The following ZC3H18 variants were observed in gnomAD, a reference collection of about 807,000 sequenced individuals.
ZC3H18 encodes the protein zinc finger CCCH domain-containing protein 18.
In ZC3H18, 8 loss-of-function variants were observed where a neutral mutation model predicts 106.1. That is an observed-to-expected ratio of 0.08 (90% confidence interval 0.04 to 0.14). The LOEUF (loss-of-function observed/expected upper bound fraction) is 0.14. Among genes scored for constraint, ZC3H18 ranks in the 10% least tolerant of loss-of-function variants. The probability of loss-of-function intolerance (pLI) is 1.00; values close to 1 mark genes in which losing one functional copy is unlikely to be tolerated. For missense variants in ZC3H18, 1,318 were observed against 1,278.4 expected (o/e 1.03, Z -0.47); for synonymous variants, 635 against 522.1 (o/e 1.22, Z -2.95).
chr16:88,611,925 G>A (rs1027626907), intron 8 of ZC3H18, among the ~76,000 whole-genome samples: 3 of 152,174 alleles, frequency 2.0e-5, no homozygotes, highest in African/African-American at 7.2e-5. Context: ...GAATTCCAAA[G>A]CATGCCTGGC....
At chr16:88,579,451 G>A (rs564790844) in intron 2 of ZC3H18, among the ~76,000 whole-genome samples, 10 of 152,240 alleles carry the variant, frequency 6.6e-5, no homozygotes, top group African/African-American at 2.2e-4. Context: ...AAGTCTTGGG[G>A]GAGATTCATC....
chr16:88,602,819 A>G (rs377516423), intron 6 of ZC3H18, among the ~76,000 whole-genome samples: 2 of 152,284 alleles, frequency 1.3e-5, no homozygotes, highest in African/African-American at 4.8e-5. Context: ...TGAGTTTTGC[A>G]AATAATTGTC....
intron 16 of ZC3H18, 93 bp downstream of exon 16, chr16:88,628,947 TAGG>T (rs1381237440): frequency 8.6e-6 from 11 of 1,281,928 alleles, no homozygotes; most frequent in Non-Finnish European, 1.1e-5. Flanking sequence ...TCTTAACAAG[TAGG>T]AGGAGGGTCC....
chr16:88,599,754 C>G, intron 5 of ZC3H18, 37 bp from the exon 6 acceptor site: 3 of 1,588,236 alleles, frequency 1.9e-6, no homozygotes, highest in Middle Eastern at 1.7e-4. Flanking sequence ...GCCCGGTATT[C>G]TGTTCCATGT....
At chr16:88,628,140 G>A in intron 15 of ZC3H18, 21 bp downstream of exon 15, 1 of 1,608,546 alleles carries the variant, frequency 6.2e-7, no homozygotes, top group Non-Finnish European at 8.5e-7. Flanking sequence ...GGGCCCTCCT[G>A]GTGGCTGCCC....
In ZC3H18 at chr16:88,611,425, G is replaced by A. The variant is rs982356121; in HGVS notation, c.1364G>A (p.Arg455His). The change falls in exon 8 of 18, where the codon CGT becomes CAT. Residue 455 changes from arginine (R) to histidine (H), a missense_variant. Coordinates refer to ENST00000301011, the MANE Select transcript of ZC3H18 (RefSeq NM_144604.4). Reference sequence around the variant, plus strand: ...CAGCGGAGGAAGGAGGAGTGGGAGCGTGAGCGAGCCAAGCGGGACGAGAAG... The same window carrying A: ...CAGCGGAGGAAGGAGGAGTGGGAGCATGAGCGAGCCAAGCGGGACGAGAAG... ...ERQRRKEEWE[R>H]ERAKRDEKDR... The A allele has an allele frequency of 7.7e-6, 11 of 1,436,660 alleles. 1 individual carries two copies. Among genetic ancestry groups the A allele is most frequent in the East Asian group, 5.0e-5 (2 of 40,366 alleles). 89.0% of individuals were successfully genotyped at this position (1,436,660 alleles called of 1,614,324 possible).
intron 3 of ZC3H18, chr16:88,587,624 C>G: frequency 1.3e-6 from 2 of 1,533,122 alleles, no homozygotes; most frequent in Non-Finnish European, 1.7e-6. Context: ...GTACAAAATA[C>G]GCTATATTCA....
chr16:88,580,483 C>T (rs1915058458), intron 2 of ZC3H18, among the ~76,000 whole-genome samples: 1 of 152,098 alleles, frequency 6.6e-6, no homozygotes, highest in South Asian at 2.1e-4. Flanking sequence ...TGGGAAGGAC[C>T]CAGCAGAGGT....
In ZC3H18 at chr16:88,577,183, A is replaced by G; in HGVS notation, c.60A>G (p.Pro20=). The G allele has an allele frequency of 6.2e-7, 1 of 1,608,878 alleles. No individual in the cohort carries two copies. The highest frequency in any genetic ancestry group is 8.5e-7 in the Non-Finnish European group (1 of 1,176,796). ...DPHSPEDEEQ[P]QGLSDDDILR... Reference sequence around the variant, plus strand: ...ACTCTCCAGAGGATGAAGAGCAGCCACAGGGACTCTCGGACGATGACATTC... The same window carrying G: ...ACTCTCCAGAGGATGAAGAGCAGCCGCAGGGACTCTCGGACGATGACATTC... Residue 20 remains proline, a synonymous_variant, in exon 2 of 18, where the codon CCA becomes CCG. Coordinates refer to ENST00000301011, the MANE Select transcript of ZC3H18 (RefSeq NM_144604.4).
intron 6 of ZC3H18, among the ~76,000 whole-genome samples, chr16:88,606,459 A>C (rs578197663): frequency 6.6e-6 from 1 of 152,360 alleles, no homozygotes; most frequent in South Asian, 2.1e-4. Context: ...CATTTTGCTT[A>C]AGTACAGTTT....
intron 2 of ZC3H18, among the ~76,000 whole-genome samples, chr16:88,586,141 G>C (rs371516740): frequency 3.9e-5 from 6 of 152,182 alleles, no homozygotes; most frequent in Non-Finnish European, 5.9e-5. Context: ...GCCTCAAGGC[G>C]GGCCACTCCC....
intron 6 of ZC3H18, among the ~76,000 whole-genome samples, chr16:88,602,350 T>C (rs983715472): frequency 3.3e-5 from 5 of 152,202 alleles, no homozygotes; most frequent in African/African-American, 1.2e-4. Context: ...CTGACCTGTT[T>C]TGGGTCACAG....
chr16:88,575,023 G>A (rs989544786), intron 1 of ZC3H18, among the ~76,000 whole-genome samples: 2 of 150,494 alleles, frequency 1.3e-5, no homozygotes, highest in Admixed American at 6.6e-5. Flanking sequence ...TAGAGACGGG[G>A]TTTCACCGTG....
intron 6 of ZC3H18, among the ~76,000 whole-genome samples, chr16:88,607,158 A>T (rs944801389): frequency 6.6e-6 from 1 of 152,118 alleles, no homozygotes; most frequent in Non-Finnish European, 1.5e-5. Context: ...TTCAATGAAG[A>T]ATCCCCTCTG....
chr16:88,613,652 C>T (rs879701499), intron 8 of ZC3H18, among the ~76,000 whole-genome samples: 26 of 152,162 alleles, frequency 1.7e-4, no homozygotes, highest in Non-Finnish European at 2.4e-4. Context: ...TTTGGAGAAA[C>T]GCCTATTCAG....
intron 2 of ZC3H18, among the ~76,000 whole-genome samples, chr16:88,585,673 C>T (rs751324888): frequency 3.3e-5 from 5 of 152,096 alleles, no homozygotes; most frequent in South Asian, 2.1e-4. Flanking sequence ...TGGAAAAGGG[C>T]GCTTCACACT....
chr16:88,590,970 A>AGTTTTTT (rs1567582746), intron 3 of ZC3H18, among the ~76,000 whole-genome samples: 1 of 128,806 alleles, frequency 7.8e-6, no homozygotes, highest in African/African-American at 3.0e-5. Context: ...GTGGTGGAAT[A>AGTTTTTT]CTTTTTTTTT....
rs770279914 is a variant in ZC3H18, at chr16:88,631,725, TCTC to T, written c.*431_*433del. On this transcript the variant is annotated 3_prime_UTR_variant, in exon 18 of 18. Coordinates refer to ENST00000301011, the MANE Select transcript of ZC3H18 (RefSeq NM_144604.4). ...TCGCGAACCACTGGTGGCACATCCT[TCTC>T]CTCCCCCGCCCCTGATCACCCGCCC... 72 of 423,888 alleles carry T rather than the reference TCTC, an allele frequency of 1.7e-4. 1 individual carries two copies. In the East Asian group the frequency reaches 5.1e-3, roughly 30 times the overall value. The allele number at this position is 423,888 out of a possible 1,614,324, so 26.3% of individuals were successfully genotyped here.
Position 88,599,830 on chromosome 16 carries a change from G to C in ZC3H18, c.970G>C (p.Asp324His). 1 of 1,614,084 alleles carries C rather than the reference G, an allele frequency of 6.2e-7. No individual in the cohort carries two copies. The highest frequency in any genetic ancestry group is 8.5e-7 in the Non-Finnish European group (1 of 1,180,000). Residue 324 changes from aspartate (D) to histidine (H), a missense_variant, in exon 6 of 18, where the codon GAT (aspartate) becomes CAT (histidine). Around this residue, in one of 6 missense-constraint regions of ZC3H18, gnomAD observed 848 missense variants for 821.7 expected, o/e 1.03. Transcript: ENST00000301011. ...KATIRKEQEP[D>H]FEEKRFTVTI... Reference sequence around the variant, plus strand: ...AACTATTCGAAAAGAACAGGAGCCTGATTTTGAAGAGAAAAGGTTTACGGT... The same window carrying C: ...AACTATTCGAAAAGAACAGGAGCCTCATTTTGAAGAGAAAAGGTTTACGGT...
Sources: allele counts gnomAD v4.1 joint callset (sites outside exome capture counted in the v4.1 genomes callset), GRCh38; gene constraint gnomAD v4.1.1; regional missense constraint gnomAD v4.1.1; transcripts MANE v1.5; gene names NCBI Gene and HGNC (gene_info 2026-07-23, HGNC 2026-07-21).